The following PYROXD2 variants were observed in gnomAD, a reference collection of about 807,000 sequenced individuals.
The protein encoded by PYROXD2 is pyridine nucleotide-disulphide oxidoreductase domain 2, also known as pyridine nucleotide-disulfide oxidoreductase domain-containing protein 2.
A neutral mutation model predicts 71.1 loss-of-function variants in PYROXD2; 69 were observed. The observed-to-expected ratio is 0.97, with a 90% CI of 0.80 to 1.19. The LOEUF is 1.19. Among genes scored for constraint, PYROXD2 ranks in the 50% most tolerant of loss-of-function variants. The pLI is 0.00. For missense variants in PYROXD2, 745 were observed against 748.9 expected (o/e 0.99, Z 0.06); for synonymous variants, 287 against 302.7 (o/e 0.95, Z 0.54).
At chr10:98,399,934 C>T (rs932094305) in intron 5 of PYROXD2, among the ~76,000 whole-genome samples, 168 bp downstream of exon 5, 12 of 152,242 alleles carry the variant, frequency 7.9e-5, no homozygotes, top group Non-Finnish European at 1.5e-4. Flanking sequence ...CGCTTCTCTT[C>T]GCAGTGCCTG....
At chr10:98,400,057 G>T in intron 5 of PYROXD2, 45 bp downstream of exon 5, 1 of 1,598,774 alleles carries the variant, frequency 6.3e-7, no homozygotes. Flanking sequence ...CCCATCTCTA[G>T]GCTGCTGAGG....
intron 5 of PYROXD2, among the ~76,000 whole-genome samples, chr10:98,399,763 C>T (rs902207092): frequency 2.0e-5 from 3 of 152,240 alleles, no homozygotes; most frequent in African/African-American, 7.2e-5. Flanking sequence ...GGAACTCTGC[C>T]TGAAAGCTGG....
chr10:98,385,124 G>T, intron 14 of PYROXD2, 57 bp from the exon 15 acceptor site: 1 of 1,599,200 alleles, frequency 6.3e-7, no homozygotes, highest in South Asian at 1.1e-5. Flanking sequence ...TTCCTGCTCT[G>T]GCTGGGTTTC....
intron 7 of PYROXD2, 21 bp downstream of exon 7, chr10:98,395,370 T>G (rs368299943): frequency 2.5e-6 from 4 of 1,613,700 alleles, no homozygotes; most frequent in Non-Finnish European, 3.4e-6. Context: ...TGGTCGGGCC[T>G]GAGGCTGGGG....
intron 2 of PYROXD2, among the ~76,000 whole-genome samples, chr10:98,409,580 T>C (rs1445886671): frequency 1.3e-5 from 2 of 152,214 alleles, no homozygotes; most frequent in Non-Finnish European, 2.9e-5. Flanking sequence ...CCAGCCTTCC[T>C]TGGCCTGGAA....
In PYROXD2 at chr10:98,390,261, C is replaced by T. The variant is rs1374171721; in HGVS notation, c.1292+337G>A. Among the ~76,000 whole-genome samples, 6 of 152,300 alleles carry T rather than the reference C, an allele frequency of 3.9e-5. No homozygotes were observed. In the South Asian group the frequency reaches 6.2e-4, roughly 16 times the overall value. On this transcript the variant is annotated intron_variant, in intron 12 of 15. Transcript: ENST00000370575. ...TACGGAGCAGGGGACTCGGTGAGTG[C>T]GTGCTCTCTGACGGGCTCTGAATGA...
Position 98,388,398 on chromosome 10 carries a change from C to A in PYROXD2, c.1403G>T (p.Gly468Val), listed in dbSNP as rs777160745. The stretch of plus-strand genomic sequence containing the variant: ...TCTCTCCTGCTCGTCCCAGGCCTTG[C>A]CTCCAGCCAGCGTATAGGGCATGTA... ...TQYMPYTLAGGKAWDEQERDA... is the reference protein window; with the variant it reads ...TQYMPYTLAGVKAWDEQERDA... The change falls in exon 13 of 16, where the codon GGC becomes GTC. Residue 468 changes from glycine to valine, a missense_variant. Transcript: ENST00000370575. 2 of 1,613,738 alleles carry A rather than the reference C, an allele frequency of 1.2e-6. No individual in the cohort carries two copies. Among genetic ancestry groups the A allele is most frequent in the Admixed American group, 1.7e-5 (1 of 59,988 alleles).
At chr10:98,409,800 G>A (rs992361232) in intron 2 of PYROXD2, among the ~76,000 whole-genome samples, 4 of 152,136 alleles carry the variant, frequency 2.6e-5, no homozygotes, top group South Asian at 2.1e-4. Flanking sequence ...AAATCAGGCC[G>A]GGCGTGGTGG....
At chr10:98,397,650 C>A (rs148642114) in intron 5 of PYROXD2, 152 bp from the exon 6 acceptor site, 14 of 967,814 alleles carry the variant, frequency 1.4e-5, no homozygotes, top group Admixed American at 3.5e-5. Flanking sequence ...TCCCCCAGTT[C>A]CAGGTCTCTG....
In PYROXD2 at chr10:98,395,177, C is replaced by T. The variant is rs765910883; in HGVS notation, c.785+19G>A. 2.1e-5 allele frequency: 33 copies of T among 1,605,820 alleles called. No homozygotes were observed. The South Asian group carries it at 3.6e-4, about 18-fold the overall frequency. ...GAACATGCCCCACTCCTGTGTCCCACCTCACCCCCCTCACTCACCCACTCC... is the reference window on the plus strand; with the variant it reads ...GAACATGCCCCACTCCTGTGTCCCATCTCACCCCCCTCACTCACCCACTCC... On this transcript the variant is annotated intron_variant, in intron 8 of 15. Transcript: ENST00000370575.
intron 13 of PYROXD2, among the ~76,000 whole-genome samples, chr10:98,387,573 G>T (rs569978442): frequency 6.7e-6 from 1 of 150,334 alleles, no homozygotes; most frequent in South Asian, 2.1e-4. Context: ...CGAAGCTGCT[G>T]ATCTCCTTTT....
chr10:98,384,479 T>C (rs1338913118), intron 15 of PYROXD2, among the ~76,000 whole-genome samples: 1 of 152,114 alleles, frequency 6.6e-6, no homozygotes, highest in Non-Finnish European at 1.5e-5. Context: ...TAGCCAGGCA[T>C]GGTGGCACAC....
chr10:98,399,345 C>T (rs1348346886), intron 5 of PYROXD2, among the ~76,000 whole-genome samples: 3 of 152,148 alleles, frequency 2.0e-5, no homozygotes, highest in African/African-American at 7.2e-5. Flanking sequence ...AAAAATGTCT[C>T]CACTGAGATA....
rs1842662232 is a variant in PYROXD2, at chr10:98,383,797, G to A, written c.*1C>T. The A allele has an allele frequency of 6.2e-7, 1 of 1,613,372 alleles. No homozygotes were observed. Among genetic ancestry groups the A allele is most frequent in the Non-Finnish European group, 8.5e-7 (1 of 1,179,366 alleles). ...CTTCCTGGGTCAGAGCTGGTTCAGG[G>A]TCACATGCTCTTGAGGTCCCTAAAG... On this transcript the variant is annotated 3_prime_UTR_variant, in exon 16 of 16. Coordinates refer to ENST00000370575, the MANE Select transcript of PYROXD2 (RefSeq NM_032709.3).
chr10:98,408,884 C>T (rs943014570), intron 2 of PYROXD2, among the ~76,000 whole-genome samples: 2 of 152,202 alleles, frequency 1.3e-5, no homozygotes, highest in African/African-American at 4.8e-5. Flanking sequence ...GAGGTAGGTA[C>T]TATGATTCTC....
chr10:98,391,515 T>C (rs1356732557), intron 10 of PYROXD2, among the ~76,000 whole-genome samples: 1 of 152,122 alleles, frequency 6.6e-6, no homozygotes, highest in African/African-American at 2.4e-5. Flanking sequence ...GGCTAGGAGC[T>C]TCATGTGCGT....
Position 98,410,936 on chromosome 10 carries a change from C to T in PYROXD2, c.147+3G>A. 2 of 1,563,870 alleles carry T rather than the reference C, an allele frequency of 1.3e-6. No homozygotes were observed. Among genetic ancestry groups the T allele is most frequent in the African/African-American group, 1.3e-5 (1 of 74,240 alleles). On this transcript the variant is annotated splice_donor_region_variant and intron_variant, in intron 2 of 15. Transcript: ENST00000370575. ...AAGTGGGATCAAGTGGGGAGGTACT[C>T]ACAGCCACCAGTCCGTTGTGTCCTG...
chr10:98,414,830 C>T (rs1462444868), intron 1 of PYROXD2, 179 bp downstream of exon 1: 2 of 908,628 alleles, frequency 2.2e-6, no homozygotes, highest in East Asian at 5.6e-5. Context: ...ATCCCAGGTG[C>T]CTGCCTGCCA....
rs182067353 is a variant in PYROXD2 at position 98,406,621 on chromosome 10, G to T, written c.315+961C>A. 3.9e-3 allele frequency among the ~76,000 whole-genome samples: 575 copies of T among 149,204 alleles called. 2 individuals carry two copies. The highest frequency in any genetic ancestry group is 0.013 in the African/African-American group (539 of 40,498). On this transcript the variant is annotated intron_variant, in intron 4 of 15. Transcript: ENST00000370575. ...AGATGGCACCAACGTGGCCGGGTGC[G>T]GTGGCTCACGCCTGTTAATCCCAGC...
Sources: allele counts gnomAD v4.1 joint callset (sites outside exome capture counted in the v4.1 genomes callset), GRCh38; gene constraint gnomAD v4.1.1; transcripts MANE v1.5; gene names NCBI Gene and HGNC (gene_info 2026-07-23, HGNC 2026-07-21).